Variants in CCDC158 observed in about 807,000 individuals in gnomAD.
CCDC158 encodes the protein coiled-coil domain containing 158, also known as coiled-coil domain-containing protein 158.
CCDC158 carries 116 observed loss-of-function variants against 138.6 expected under a neutral mutation model. The ratio of observed to expected loss-of-function variants is 0.84; its 90% CI spans 0.72 to 0.98. CCDC158 has a LOEUF of 0.98. Ranked by LOEUF, CCDC158 falls within the 50% of genes least tolerant of loss-of-function variation. The probability of loss-of-function intolerance (pLI) is 0.00; values close to 1 mark genes in which losing one functional copy is unlikely to be tolerated. For synonymous variants in CCDC158, 436 were observed against 442.4 expected, an observed-to-expected ratio of 0.99 and a Z score of 0.18; for missense variants, 1,265 against 1,306.1, an observed-to-expected ratio of 0.97 and a Z score of 0.48.
At chr4:76,321,328 T>C (rs1719976405) in intron 24 of CCDC158, among the ~76,000 whole-genome samples, 1 of 152,048 alleles carries the variant, frequency 6.6e-6, no homozygotes. Context: ...CACTGTAAAC[T>C]AGTACAACAA....
At position 76,313,123 on chromosome 4, in the gene CCDC158, CAATT is replaced by C. The variant is rs769042619; in HGVS notation, c.*43_*46del. ...AGGGCACTAATTACGAGTAACACCA[CAATT>C]AATTGGGCCTCATTCCTCTGTAAAG... On this transcript the variant is annotated 3_prime_UTR_variant, in exon 25 of 25. Transcript: ENST00000682701. The C allele has an allele frequency of 8.0e-7, 1 of 1,248,140 alleles. No homozygotes were observed. The highest frequency in any genetic ancestry group is 1.4e-5 in the South Asian group (1 of 72,074). The allele number at this position is 1,248,140 out of a possible 1,614,324, so 77.3% of individuals were successfully genotyped here.
intron 8 of CCDC158, among the ~76,000 whole-genome samples, chr4:76,380,691 C>T (rs536374572): frequency 1.2e-4 from 19 of 152,098 alleles, no homozygotes; most frequent in Non-Finnish European, 2.4e-4. Context: ...TTCAAGCTGC[C>T]GGCTGCAGAA....
chr4:76,391,974 T>G (rs1203829365), intron 4 of CCDC158, among the ~76,000 whole-genome samples: 1 of 151,532 alleles, frequency 6.6e-6, no homozygotes, highest in Non-Finnish European at 1.5e-5. Context: ...CCTGAAGAAA[T>G]CTAAAACCTG....
At chr4:76,322,041 C>T (rs570980367) in intron 24 of CCDC158, among the ~76,000 whole-genome samples, 1 of 151,812 alleles carries the variant, frequency 6.6e-6, no homozygotes, top group South Asian at 2.1e-4. Context: ...AAAGATACAT[C>T]ATATACTGCT....
intron 12 of CCDC158, 124 bp downstream of exon 12, chr4:76,367,170 T>C (rs904571833): frequency 2.8e-6 from 3 of 1,080,656 alleles, no homozygotes; most frequent in African/African-American, 3.1e-5. Flanking sequence ...CATATACACA[T>C]AGAAACAAAC....
intron 12 of CCDC158, among the ~76,000 whole-genome samples, chr4:76,365,461 G>A (rs550553659): frequency 4.6e-5 from 7 of 152,256 alleles, no homozygotes; most frequent in African/African-American, 1.7e-4. Context: ...AGCCACTTCT[G>A]CATACTGATG....
chr4:76,337,458 GT>G, intron 18 of CCDC158, among the ~76,000 whole-genome samples: 1 of 152,294 alleles, frequency 6.6e-6, no homozygotes, highest in East Asian at 1.9e-4. Flanking sequence ...ACTGCTGGGT[GT>G]GGTGGCTCAT....
rs112905571 is a variant in CCDC158, at chr4:76,351,678, C to T, written c.2538+42G>A. On this transcript the variant is annotated intron_variant, in intron 17 of 24. Coordinates refer to ENST00000682701, the MANE Select transcript of CCDC158 (RefSeq NM_001394954.1). ...GAAAATATAAAAGCATATCAAAGAACGGCATTATTTTCGCTTAAACTAATA... is the reference window on the plus strand; with the variant it reads ...GAAAATATAAAAGCATATCAAAGAATGGCATTATTTTCGCTTAAACTAATA... 3.0e-3 allele frequency: 3,414 copies of T among 1,155,360 alleles called. 57 individuals are homozygous for T. In the African/African-American group the frequency reaches 0.043, roughly 15 times the overall value. 71.6% of individuals were successfully genotyped at this position (1,155,360 alleles called of 1,614,324 possible).
At chr4:76,396,875 TG>T (rs1362105763) in intron 3 of CCDC158, among the ~76,000 whole-genome samples, 6 of 152,160 alleles carry the variant, frequency 3.9e-5, no homozygotes, top group African/African-American at 1.4e-4. Context: ...GCACACTTTA[TG>T]CTAACTGATT....
At chr4:76,376,199 G>A (rs533217750) in intron 9 of CCDC158, among the ~76,000 whole-genome samples, 49 of 152,090 alleles carry the variant, frequency 3.2e-4, no homozygotes, top group Middle Eastern at 3.4e-3. Context: ...AACTACAGGC[G>A]CACGCTACCA....
chr4:76,355,449 A>C lies in CCDC158; in HGVS notation c.2174-13T>G, dbSNP rs758649655. 1 of 1,570,320 alleles carries C rather than the reference A, an allele frequency of 6.4e-7. No homozygotes were observed. Among genetic ancestry groups the C allele is most frequent in the African/African-American group, 1.3e-5 (1 of 74,222 alleles). On this transcript the variant is annotated splice_polypyrimidine_tract_variant and intron_variant, in intron 14 of 24. Transcript: ENST00000682701. ...GCCACTTTCATAGCTGGAAAAAAAAAAGAGGCAAACTATGCCTTAGGTTCT... is the reference window on the plus strand; with the variant it reads ...GCCACTTTCATAGCTGGAAAAAAAACAGAGGCAAACTATGCCTTAGGTTCT...
At chr4:76,396,195 G>T in intron 4 of CCDC158, 74 bp downstream of exon 4, 3 of 1,022,170 alleles carry the variant, frequency 2.9e-6, no homozygotes, top group South Asian at 1.7e-5. Flanking sequence ...TGTATAACTG[G>T]CTTTACAACT....
Position 76,351,008 on chromosome 4 carries a change from G to A in CCDC158, c.2652C>T (p.Ser884=). ...ACTGGTTACTTACATGAGACAGGAAGCTGGCTGTAGACTGCGAAGATGGTA... is the reference window on the plus strand; with the variant it reads ...ACTGGTTACTTACATGAGACAGGAAACTGGCTGTAGACTGCGAAGATGGTA... ...SNVPSSQSTA[S]FLSHHSTKAN... The change falls in exon 18 of 25, where the codon AGC becomes AGT. Residue 884 remains serine, a synonymous_variant. Transcript: ENST00000682701. 6.2e-7 allele frequency: 1 copy of A among 1,613,616 alleles called. No individual in the cohort carries two copies. The highest frequency in any genetic ancestry group is 8.5e-7 in the Non-Finnish European group (1 of 1,179,720).
chr4:76,381,727 G>C (rs1297756784), intron 8 of CCDC158, among the ~76,000 whole-genome samples: 1 of 152,264 alleles, frequency 6.6e-6, no homozygotes, highest in South Asian at 2.1e-4. Flanking sequence ...TGTCGCCCAG[G>C]TTGGAGTGCA....
intron 24 of CCDC158, among the ~76,000 whole-genome samples, chr4:76,317,975 C>A (rs996556345): frequency 6.6e-6 from 1 of 152,036 alleles, no homozygotes; most frequent in Admixed American, 6.5e-5. Context: ...ACTAGTGACA[C>A]AATTTATCAT....
intron 18 of CCDC158, among the ~76,000 whole-genome samples, chr4:76,348,709 G>T (rs1170712777): frequency 6.6e-6 from 1 of 152,120 alleles, no homozygotes; most frequent in Non-Finnish European, 1.5e-5. Context: ...GAACTTAATT[G>T]ATGGGTTTAA....
chr4:76,314,926 A>G (rs1322916917), intron 24 of CCDC158, among the ~76,000 whole-genome samples: 1 of 152,200 alleles, frequency 6.6e-6, no homozygotes, highest in Non-Finnish European at 1.5e-5. Context: ...GGAGCACAGA[A>G]GCCACTACTG....
intron 18 of CCDC158, among the ~76,000 whole-genome samples, chr4:76,347,417 TG>T (rs1722665916): frequency 6.6e-6 from 1 of 152,066 alleles, no homozygotes; most frequent in Admixed American, 6.5e-5. Flanking sequence ...GGGACATGAA[TG>T]AAGCTGGAAA....
At chr4:76,318,390 G>A (rs1220520202) in intron 24 of CCDC158, among the ~76,000 whole-genome samples, 3 of 152,094 alleles carry the variant, frequency 2.0e-5, no homozygotes, top group Non-Finnish European at 4.4e-5. Context: ...ACACTTTTAT[G>A]TGCACAAACT....
Sources: allele counts gnomAD v4.1 joint callset (sites outside exome capture counted in the v4.1 genomes callset), GRCh38; gene constraint gnomAD v4.1.1; transcripts MANE v1.5; gene names NCBI Gene and HGNC (gene_info 2026-07-23, HGNC 2026-07-21).